Variants in MYOF observed in about 807,000 individuals in gnomAD.
MYOF encodes the protein fer-1-like 3, myoferlin.
MYOF carries 244 observed loss-of-function variants against 284.2 expected under a neutral mutation model. The observed-to-expected ratio is 0.86, with a 90% CI of 0.77 to 0.95. The LOEUF (loss-of-function observed/expected upper bound fraction) is 0.95, where lower values mean the gene tolerates loss of function less well. Among genes scored for constraint, MYOF ranks in the 40% least tolerant of loss-of-function variants. MYOF has a pLI of 0.00. For synonymous variants in MYOF, 904 were observed against 919.7 expected, an observed-to-expected ratio of 0.98 and a Z score of 0.31; for missense variants, 2,496 against 2,560.6, an observed-to-expected ratio of 0.97 and a Z score of 0.54.
At chr10:93,445,853 C>T (rs140880472) in intron 3 of MYOF, among the ~76,000 whole-genome samples, 173 of 152,324 alleles carry the variant, frequency 1.1e-3, no homozygotes, top group African/African-American at 3.7e-3. Context: ...AAAACCCTTC[C>T]GCCCCAACCC....
chr10:93,365,155 G>C (rs1282203602), intron 26 of MYOF, among the ~76,000 whole-genome samples: 2 of 152,154 alleles, frequency 1.3e-5, no homozygotes, highest in Non-Finnish European at 2.9e-5. Context: ...TGGGTCTTAA[G>C]AGAGCAGTAT....
intron 37 of MYOF, among the ~76,000 whole-genome samples, chr10:93,346,268 A>C (rs1478674508): frequency 6.6e-6 from 1 of 152,272 alleles, no homozygotes; most frequent in Non-Finnish European, 1.5e-5. Context: ...TCAGACCTAC[A>C]CAGCAGATGA....
intron 27 of MYOF, among the ~76,000 whole-genome samples, chr10:93,362,784 A>C (rs1485750430): frequency 6.6e-6 from 1 of 152,218 alleles, no homozygotes; most frequent in East Asian, 1.9e-4. Flanking sequence ...TTCATGTGGC[A>C]AAGATTATAA....
intron 1 of MYOF, among the ~76,000 whole-genome samples, chr10:93,462,164 C>T (rs1410824374): frequency 6.6e-6 from 1 of 150,874 alleles, no homozygotes; most frequent in East Asian, 1.9e-4. Context: ...GCTCTTTGCT[C>T]ACTACAATCT....
At position 93,316,717 on chromosome 10, in the gene MYOF, A is replaced by C; in HGVS notation, c.5695T>G (p.Leu1899Val). The C allele has an allele frequency of 2.5e-6, 4 of 1,610,748 alleles. No individual in the cohort carries two copies. Among genetic ancestry groups the C allele is most frequent in the Non-Finnish European group, 3.4e-6 (4 of 1,176,954 alleles). The change falls in exon 50 of 54, where the codon TTG becomes GTG. Residue 1899 changes from leucine to valine, a missense_variant. Physicochemically the swap from Leu to Val is conservative, Grantham distance 32. Transcript: ENST00000359263. ...DNDKFSLDDYLGFLELDLRHT... is the reference protein window; with the variant it reads ...DNDKFSLDDYVGFLELDLRHT... ...ATGATCCAAATGTAAGCCCTACCCA[A>C]GTAGTCATCCAGAGAAAACTTGTCA...
intron 11 of MYOF, 28 bp from the exon 12 acceptor site, chr10:93,401,572 A>T: frequency 8.7e-6 from 14 of 1,608,496 alleles, no homozygotes; most frequent in African/African-American, 1.3e-5. Context: ...TTTAAATTAT[A>T]CATACAGAAA....
In MYOF at chr10:93,409,673, T is replaced by G. The variant is rs866532789; in HGVS notation, c.500A>C (p.Lys167Thr). The G allele has an allele frequency of 6.2e-7, 1 of 1,614,220 alleles. No homozygotes were observed. Residue 167 changes from lysine to threonine, a missense_variant, in exon 6 of 54, where the codon AAG becomes ACG. By Grantham distance (78) the Lys-to-Thr change is moderately conservative (BLOSUM62 -1). Around this residue, in one of 3 missense-constraint regions of MYOF, gnomAD observed 2,436 missense variants for 2,480.7 expected, o/e 0.98. Coordinates refer to ENST00000359263, the MANE Select transcript of MYOF (RefSeq NM_013451.4). The stretch of plus-strand genomic sequence containing the variant: ...TTCCGACACCGTCCCAACTGGCCCC[T>G]TGGGCCCAGGGCCCCTGACTGCATT... ...LDNAVRGPGP[K>T]GPVGTVSEAQ...
At chr10:93,425,812 C>T (rs778058743) in intron 5 of MYOF, 21 of 510,888 alleles carry the variant, frequency 4.1e-5, no homozygotes, top group Non-Finnish European at 6.4e-5. Flanking sequence ...TCTGCTGGAG[C>T]CGGCATGTGC....
At chr10:93,402,930 A>G in intron 9 of MYOF, 40 bp from the exon 10 acceptor site, 1 of 1,536,274 alleles carries the variant, frequency 6.5e-7, no homozygotes, top group Non-Finnish European at 9.0e-7. Context: ...AGTAGATTTT[A>G]AAATCAGTCT....
At chr10:93,410,306 G>C (rs1847849387) in intron 5 of MYOF, among the ~76,000 whole-genome samples, 1 of 152,066 alleles carries the variant, frequency 6.6e-6, no homozygotes, top group Admixed American at 6.5e-5. Context: ...CTCCTGGTTT[G>C]TCACTTTAAC....
intron 32 of MYOF, among the ~76,000 whole-genome samples, chr10:93,352,396 G>T (rs943557233): frequency 2.0e-5 from 3 of 152,114 alleles, no homozygotes; most frequent in African/African-American, 2.4e-5. Flanking sequence ...GATGGTAATC[G>T]ATTTATTCAG....
At chr10:93,343,106 G>A (rs1355788687) in intron 38 of MYOF, among the ~76,000 whole-genome samples, 1 of 152,108 alleles carries the variant, frequency 6.6e-6, no homozygotes, top group African/African-American at 2.4e-5. Context: ...GCAATCATGT[G>A]CATTTTTGGG....
Position 93,409,569 on chromosome 10 carries a change from C to T in MYOF, c.600+4G>A. The T allele has an allele frequency of 6.2e-7, 1 of 1,610,930 alleles. No individual in the cohort carries two copies. The highest frequency in any genetic ancestry group is 2.2e-5 in the East Asian group (1 of 44,850). ...AAAGAAGCAGAACGCCAGGCCGTTG[C>T]TACCTGGAAGTCCTGTGGCTTATTT... is the stretch of plus-strand genomic sequence containing the variant. On this transcript the variant is annotated splice_donor_region_variant and intron_variant, in intron 6 of 53. Transcript: ENST00000359263.
At chr10:93,402,446 C>T in intron 10 of MYOF, 99 bp from the exon 11 acceptor site, 1 of 955,616 alleles carries the variant, frequency 1.0e-6, no homozygotes. Flanking sequence ...TTCTTGGAAG[C>T]CTCTTCACGA....
intron 29 of MYOF, among the ~76,000 whole-genome samples, chr10:93,357,498 G>C (rs1316590333): frequency 6.6e-6 from 1 of 152,198 alleles, no homozygotes; most frequent in Non-Finnish European, 1.5e-5. Context: ...ACACAGTGAA[G>C]AAGAGATAGG....
chr10:93,422,468 G>C (rs964764770), intron 5 of MYOF, among the ~76,000 whole-genome samples: 1 of 152,198 alleles, frequency 6.6e-6, no homozygotes, highest in Non-Finnish European at 1.5e-5. Context: ...AGGAGCCTTG[G>C]GTGGCAGGGA....
chr10:93,318,576 C>T (rs958977764), intron 49 of MYOF, among the ~76,000 whole-genome samples: 5 of 151,892 alleles, frequency 3.3e-5, no homozygotes, highest in African/African-American at 4.8e-5. Flanking sequence ...CTGACCAACA[C>T]GGAGAAACCC....
intron 15 of MYOF, among the ~76,000 whole-genome samples, chr10:93,396,923 T>A (rs1211176203): frequency 6.6e-6 from 1 of 152,234 alleles, no homozygotes; most frequent in Non-Finnish European, 1.5e-5. Context: ...TTTTGGTGAT[T>A]CTTCCCAAGA....
At chr10:93,449,145 G>A (rs1384175836) in intron 3 of MYOF, among the ~76,000 whole-genome samples, 2 of 152,236 alleles carry the variant, frequency 1.3e-5, no homozygotes, top group African/African-American at 4.8e-5. Flanking sequence ...GGTGCTGTAA[G>A]TGTGAAGCAA....
Sources: gnomAD v4.1 joint callset for allele counts (sites outside exome capture counted in the v4.1 genomes callset) on GRCh38, gnomAD v4.1.1 for gene constraint, gnomAD v4.1.1 regional missense constraint, MANE v1.5 for transcripts, NCBI Gene and HGNC (gene_info 2026-07-23, HGNC 2026-07-21) for gene names.